CCSER1: variants seen among roughly 807,000 people sequenced by gnomAD.
The protein encoded by CCSER1 is coiled-coil serine rich protein 1.
CCSER1 carries 41 observed loss-of-function variants against 82.0 expected under a neutral mutation model. The observed-to-expected ratio is 0.50, with a 90% confidence interval of 0.39 to 0.65. The LOEUF (loss-of-function observed/expected upper bound fraction) is 0.65. CCSER1 is among the 30% of genes least tolerant of loss of function. CCSER1 has a pLI of 0.00. For missense variants in CCSER1, 1,119 were observed against 1,064.2 expected, an observed-to-expected ratio of 1.05 and a Z score of -0.72; for synonymous variants, 414 against 383.9, an observed-to-expected ratio of 1.08 and a Z score of -0.92.
chr4:91,064,257 A>C (rs1165043565), intron 9 of CCSER1, among the ~76,000 whole-genome samples: 2 of 152,190 alleles, frequency 1.3e-5, no homozygotes, highest in Non-Finnish European at 2.9e-5. Flanking sequence ...GTTTTCTCCC[A>C]TATCATGAGT....
intron 1 of CCSER1, among the ~76,000 whole-genome samples, chr4:90,169,168 G>T (rs1355737366): frequency 6.6e-6 from 1 of 151,924 alleles, no homozygotes; most frequent in Non-Finnish European, 1.5e-5. Flanking sequence ...GTGGTTTGTA[G>T]TTCTCCTTGA....
At chr4:91,147,523 TTG>T (rs1729664577) in intron 10 of CCSER1, among the ~76,000 whole-genome samples, 1 of 152,174 alleles carries the variant, frequency 6.6e-6, no homozygotes, top group Non-Finnish European at 1.5e-5. Context: ...CTCCACATTC[TTG>T]TCAGTTTTCT....
chr4:90,986,691 G>A (rs1057410935), intron 9 of CCSER1, among the ~76,000 whole-genome samples: 4 of 151,644 alleles, frequency 2.6e-5, no homozygotes, highest in Non-Finnish European at 4.4e-5. Flanking sequence ...AGTTGGTCTT[G>A]GGTAAAAAAA....
At chr4:91,162,039 T>C (rs557810320) in intron 10 of CCSER1, among the ~76,000 whole-genome samples, 1 of 152,364 alleles carries the variant, frequency 6.6e-6, no homozygotes. Flanking sequence ...CTTGCAGTTT[T>C]TGCCCATTCA....
In CCSER1 at chr4:90,330,029, A is replaced by C. The variant is rs934695700; in HGVS notation, c.1509+16982A>C. 3.3e-5 allele frequency among the ~76,000 whole-genome samples: 5 copies of C among 152,314 alleles called. No homozygotes were observed. In the East Asian group the frequency reaches 9.6e-4, roughly 29 times the overall value. ...AAGACCAAAAAATAACATAGAAGAA[A>C]ATAATGATAGATTATTTATTTTCCT... On this transcript the variant is annotated intron_variant, in intron 3 of 10. Transcript: ENST00000509176.
intron 10 of CCSER1, among the ~76,000 whole-genome samples, chr4:91,258,994 T>C (rs1239463984): frequency 6.6e-6 from 1 of 152,100 alleles, no homozygotes; most frequent in Non-Finnish European, 1.5e-5. Context: ...TAAATTCTGA[T>C]AATAGTATAA....
intron 1 of CCSER1, among the ~76,000 whole-genome samples, chr4:90,238,779 T>A (rs576940405): frequency 9.8e-5 from 15 of 152,302 alleles, no homozygotes; most frequent in African/African-American, 3.4e-4. Context: ...TTGTCTGTAA[T>A]GGAGCTCTAT....
chr4:91,040,997 T>G (rs1741910731), intron 9 of CCSER1, among the ~76,000 whole-genome samples: 1 of 152,212 alleles, frequency 6.6e-6, no homozygotes, highest in Non-Finnish European at 1.5e-5. Flanking sequence ...TTTATTATTA[T>G]TTTTAGCATC....
intron 10 of CCSER1, among the ~76,000 whole-genome samples, chr4:91,373,783 G>T (rs1750204768): frequency 6.6e-6 from 1 of 152,168 alleles, no homozygotes; most frequent in Non-Finnish European, 1.5e-5. Flanking sequence ...TAGGCCAAAG[G>T]TGAGGTTTCT....
intron 9 of CCSER1, among the ~76,000 whole-genome samples, chr4:91,036,754 T>C (rs919490113): frequency 1.3e-5 from 2 of 151,906 alleles, no homozygotes; most frequent in African/African-American, 4.8e-5. Context: ...TAAATGGAGA[T>C]CAAAATTTAA....
chr4:91,161,845 T>TG (rs1237670714), intron 10 of CCSER1, among the ~76,000 whole-genome samples: 1 of 152,196 alleles, frequency 6.6e-6, no homozygotes, highest in Non-Finnish European at 1.5e-5. Flanking sequence ...GCTGAGATGA[T>TG]GGGGTTTTCT....
chr4:90,839,064 C>A, intron 8 of CCSER1: 1 of 1,602,470 alleles, frequency 6.2e-7, no homozygotes, highest in Non-Finnish European at 8.5e-7. Context: ...CGGAGCGAGG[C>A]GCGCGAGTAC....
At chr4:90,697,003 G>A (rs1258751363) in intron 6 of CCSER1, among the ~76,000 whole-genome samples, 2 of 151,780 alleles carry the variant, frequency 1.3e-5, no homozygotes, top group East Asian at 1.9e-4. Context: ...AGGCATGAGA[G>A]GAAGGATGAG....
chr4:90,263,626 G>C (rs1349586948), intron 1 of CCSER1, among the ~76,000 whole-genome samples: 1 of 152,092 alleles, frequency 6.6e-6, no homozygotes, highest in Non-Finnish European at 1.5e-5. Flanking sequence ...TGCTGTAATG[G>C]CCCGAGTTGA....
intron 6 of CCSER1, among the ~76,000 whole-genome samples, chr4:90,673,228 CA>C (rs1389467354): frequency 6.6e-6 from 1 of 151,888 alleles, no homozygotes; most frequent in Non-Finnish European, 1.5e-5. Context: ...AAACAATATT[CA>C]ATATTCAACT....
chr4:90,408,961 G>A (rs1261087349), intron 4 of CCSER1, among the ~76,000 whole-genome samples: 1 of 152,202 alleles, frequency 6.6e-6, no homozygotes, highest in Non-Finnish European at 1.5e-5. Flanking sequence ...GAAAACCACA[G>A]CAGGAGAACT....
intron 4 of CCSER1, among the ~76,000 whole-genome samples, chr4:90,417,832 G>A (rs1199416097): frequency 2.0e-5 from 3 of 152,120 alleles, no homozygotes; most frequent in African/African-American, 4.8e-5. Flanking sequence ...TGAAACCCTA[G>A]TGGTTTTCCT....
chr4:91,309,233 T>C (rs1028296231), intron 10 of CCSER1, among the ~76,000 whole-genome samples: 1 of 152,064 alleles, frequency 6.6e-6, no homozygotes, highest in Non-Finnish European at 1.5e-5. Context: ...AGATACCTCA[T>C]TGGCTTACTA....
At chr4:90,457,288 C>T (rs139879644) in intron 4 of CCSER1, among the ~76,000 whole-genome samples, 1 of 152,194 alleles carries the variant, frequency 6.6e-6, no homozygotes. Flanking sequence ...ACTCTTAGAG[C>T]TGAACTCCCC....
Sources: allele counts gnomAD v4.1 joint callset (sites outside exome capture counted in the v4.1 genomes callset), GRCh38; gene constraint gnomAD v4.1.1; transcripts MANE v1.5; gene names NCBI Gene and HGNC (gene_info 2026-07-23, HGNC 2026-07-21).